CSMD1: variants seen among roughly 807,000 people sequenced by gnomAD.
CSMD1 encodes the protein CUB and sushi domain-containing protein 1.
A neutral mutation model predicts 417.5 loss-of-function variants in CSMD1; 213 were observed. The ratio of observed to expected loss-of-function variants is 0.51; its 90% CI spans 0.46 to 0.57. The LOEUF is 0.57. CSMD1 is among the 20% of genes least tolerant of loss of function. The pLI, the probability that CSMD1 is intolerant of heterozygous loss-of-function variation, is 0.00. For synonymous variants in CSMD1, 2,862 were observed against 1,736.8 expected (o/e 1.65, Z -16.11); for missense variants, 6,923 against 4,529.7 (o/e 1.53, Z -15.17).
At chr8:4,867,560 C>T (rs1444311670) in intron 1 of CSMD1, among the ~76,000 whole-genome samples, 1 of 152,104 alleles carries the variant, frequency 6.6e-6, no homozygotes, top group Non-Finnish European at 1.5e-5. Flanking sequence ...GGGATAGTCC[C>T]AGAGCAGCCA....
At chr8:4,198,674 C>G (rs926155676) in intron 3 of CSMD1, among the ~76,000 whole-genome samples, 8 of 152,114 alleles carry the variant, frequency 5.3e-5, no homozygotes, top group African/African-American at 1.4e-4. Context: ...CCAGATGGGG[C>G]TGGTAAAACC....
chr8:3,689,615 T>C (rs1800128811), intron 7 of CSMD1, among the ~76,000 whole-genome samples: 1 of 152,202 alleles, frequency 6.6e-6, no homozygotes, highest in Non-Finnish European at 1.5e-5. Context: ...AACAGAAATA[T>C]TTAGAGTGTG....
At chr8:3,727,976 T>G (rs1427287460) in intron 6 of CSMD1, among the ~76,000 whole-genome samples, 1 of 152,110 alleles carries the variant, frequency 6.6e-6, no homozygotes, top group Non-Finnish European at 1.5e-5. Context: ...GTGCAGACTT[T>G]CAGTTTTGGA....
At chr8:4,077,455 C>G (rs1014706746) in intron 3 of CSMD1, among the ~76,000 whole-genome samples, 9 of 151,488 alleles carry the variant, frequency 5.9e-5, no homozygotes, top group African/African-American at 2.2e-4. Flanking sequence ...CTATACATAT[C>G]ATTACTCTTA....
chr8:4,610,040 AC>A (rs915546987), intron 2 of CSMD1, among the ~76,000 whole-genome samples: 36 of 151,962 alleles, frequency 2.4e-4, no homozygotes, highest in African/African-American at 8.5e-4. Flanking sequence ...AAAAAAAAAA[AC>A]AATTAGATAT....
intron 69 of CSMD1, among the ~76,000 whole-genome samples, chr8:2,939,887 C>G (rs1343658891): frequency 1.3e-5 from 2 of 152,176 alleles, no homozygotes; most frequent in African/African-American, 2.4e-5. Flanking sequence ...AATGTTCACT[C>G]AATCGTCCAG....
intron 10 of CSMD1, among the ~76,000 whole-genome samples, chr8:3,538,083 C>A (rs890995168): frequency 2.0e-5 from 3 of 152,196 alleles, no homozygotes. Context: ...ATCCTATGCA[C>A]AGAGTTTTTA....
chr8:3,223,592 G>C (rs1389061889), intron 28 of CSMD1, 137 bp downstream of exon 28: 2 of 795,170 alleles, frequency 2.5e-6, no homozygotes, highest in East Asian at 5.0e-5. Context: ...TTTGCAGCCT[G>C]GTGTAGTCTC....
chr8:4,888,930 T>C (rs1393948792), intron 1 of CSMD1, among the ~76,000 whole-genome samples: 2 of 152,036 alleles, frequency 1.3e-5, no homozygotes, highest in African/African-American at 2.4e-5. Flanking sequence ...AGTTAATGAA[T>C]GAGGAGAAGG....
chr8:4,726,119 A>T (rs1440846501), intron 1 of CSMD1, among the ~76,000 whole-genome samples: 1 of 152,102 alleles, frequency 6.6e-6, no homozygotes, highest in Non-Finnish European at 1.5e-5. Flanking sequence ...CACGGGGAGG[A>T]CAAGACGTCA....
intron 10 of CSMD1, among the ~76,000 whole-genome samples, chr8:3,543,409 T>G (rs1379214123): frequency 1.3e-5 from 2 of 152,124 alleles, no homozygotes; most frequent in Non-Finnish European, 2.9e-5. Context: ...GAGAACAGAA[T>G]GAACAGGGGC....
rs188120605 is a variant in CSMD1, at chr8:3,449,884, T to C, written c.1561+18828A>G. Among the ~76,000 whole-genome samples, 144 of 152,324 alleles carry C rather than the reference T, an allele frequency of 9.5e-4. 1 individual carries two copies. The highest frequency in any genetic ancestry group is 3.4e-3 in the African/African-American group (141 of 41,570). ...AAGCCTCACGTTGTAAAGTTTCTAA[T>C]TATTTCAGACATTTAAACATTAGGA... On this transcript the variant is annotated intron_variant, in intron 12 of 69. Transcript: ENST00000635120.
chr8:3,282,658 T>C (rs1802826912), intron 26 of CSMD1, among the ~76,000 whole-genome samples: 1 of 152,194 alleles, frequency 6.6e-6, no homozygotes, highest in Non-Finnish European at 1.5e-5. Context: ...GTGAAAATTT[T>C]ACCATGTACA....
intron 4 of CSMD1, among the ~76,000 whole-genome samples, chr8:4,028,665 C>A (rs1214648217): frequency 6.6e-6 from 1 of 152,182 alleles, no homozygotes; most frequent in Non-Finnish European, 1.5e-5. Context: ...TGGGTCATAA[C>A]ATTTACTATC....
At chr8:3,276,905 A>G (rs1802333881) in intron 26 of CSMD1, among the ~76,000 whole-genome samples, 1 of 152,154 alleles carries the variant, frequency 6.6e-6, no homozygotes. Context: ...AAGTAACTTA[A>G]TCCACTGTAT....
intron 2 of CSMD1, among the ~76,000 whole-genome samples, chr8:4,557,777 G>C (rs1020463010): frequency 2.6e-5 from 4 of 152,040 alleles, no homozygotes; most frequent in Non-Finnish European, 4.4e-5. Context: ...TGGCACGTAA[G>C]TCTCCGTGCC....
At chr8:3,741,051 C>G (rs750991763) in intron 6 of CSMD1, among the ~76,000 whole-genome samples, 1 of 151,850 alleles carries the variant, frequency 6.6e-6, no homozygotes, top group Admixed American at 6.6e-5. Flanking sequence ...TCCGTCTCTA[C>G]TAAAAATACA....
intron 7 of CSMD1, among the ~76,000 whole-genome samples, chr8:3,695,498 G>C (rs140647685): frequency 1.0e-3 from 157 of 152,140 alleles, no homozygotes; most frequent in East Asian, 9.5e-3. Context: ...ATGATAATTA[G>C]CGTTTATCAC....
chr8:4,264,435 A>G lies in CSMD1; in HGVS notation c.415+155518T>C, dbSNP rs76058719. On this transcript the variant is annotated intron_variant, in intron 3 of 69. Coordinates refer to ENST00000635120, the MANE Select transcript of CSMD1 (RefSeq NM_033225.6). The stretch of plus-strand genomic sequence containing the variant: ...ATGTATCTAAGGATCTAGTTTAATA[A>G]AACAAATTACTGGTACACAAATTTG... Among the ~76,000 whole-genome samples the G allele has an allele frequency of 2.7e-4, 41 of 152,332 alleles. No homozygotes were observed. The East Asian group carries it at 7.1e-3, about 27-fold the overall frequency.
Sources: gnomAD v4.1 joint callset for allele counts (sites outside exome capture counted in the v4.1 genomes callset) on GRCh38, gnomAD v4.1.1 for gene constraint, MANE v1.5 for transcripts, NCBI Gene and HGNC (gene_info 2026-07-23, HGNC 2026-07-21) for gene names.